TLCD3B: variants seen among roughly 807,000 people sequenced by gnomAD.
TLCD3B encodes TLC domain containing 3B, also known as ceramide synthase.
A neutral mutation model predicts 23.0 loss-of-function variants in TLCD3B; 9 were observed. The ratio of observed to expected loss-of-function variants is 0.39; its 90% CI spans 0.24 to 0.68. The LOEUF is 0.68. Among genes scored for constraint, TLCD3B ranks in the 30% least tolerant of loss-of-function variants. The pLI, the probability that TLCD3B is intolerant of heterozygous loss-of-function variation, is 0.44. For synonymous variants in TLCD3B, 161 were observed against 161.0 expected, an observed-to-expected ratio of 1.00 and a Z score of 0.00; for missense variants, 307 against 371.8, an observed-to-expected ratio of 0.83 and a Z score of 1.43.
At chr16:30,027,559 C>T (rs1463733037) in intron 2 of TLCD3B, 1 of 456,050 alleles carries the variant, frequency 2.2e-6, no homozygotes, top group Non-Finnish European at 4.4e-6. Flanking sequence ...TTCGCCCTGC[C>T]CCAAAGTCAC....
intron 3 of TLCD3B, among the ~76,000 whole-genome samples, chr16:30,026,383 G>A (rs2071134679): frequency 1.3e-5 from 2 of 152,170 alleles, no homozygotes; most frequent in African/African-American, 4.8e-5. Flanking sequence ...CAAATCCAAA[G>A]AGCCACAGCC....
intron 2 of TLCD3B, among the ~76,000 whole-genome samples, chr16:30,027,994 G>C (rs1375719007): frequency 6.6e-6 from 1 of 152,226 alleles, no homozygotes; most frequent in Non-Finnish European, 1.5e-5. Flanking sequence ...GACGGTACCA[G>C]GGAAAAGGGA....
upstream of TLCD3B, among the ~76,000 whole-genome samples, chr16:30,035,666 A>C (rs1169395002): frequency 1.3e-5 from 2 of 152,082 alleles, no homozygotes; most frequent in Non-Finnish European, 2.9e-5. Flanking sequence ...CTCTTTTAAT[A>C]TTCCTCATCC....
upstream of TLCD3B, chr16:30,035,143 C>T: frequency 2.5e-6 from 1 of 396,044 alleles, no homozygotes; most frequent in South Asian, 2.2e-5. Context: ...AACTACTGAC[C>T]TCAGGTGATC....
At chr16:30,028,088 A>G (rs1186283789) in intron 2 of TLCD3B, among the ~76,000 whole-genome samples, 1 of 152,190 alleles carries the variant, frequency 6.6e-6, no homozygotes, top group Non-Finnish European at 1.5e-5. Flanking sequence ...GAGAACGCGA[A>G]GCGGGAACAC....
At chr16:30,034,496 G>A (rs2071428042), upstream of TLCD3B, among the ~76,000 whole-genome samples, 1 of 151,966 alleles carries the variant, frequency 6.6e-6, no homozygotes, top group Non-Finnish European at 1.5e-5. Context: ...TTGAGCCCAG[G>A]AGTTCAAGGC....
chr16:30,027,112 C>T (rs1340835071), intron 2 of TLCD3B: 1 of 572,596 alleles, frequency 1.7e-6, no homozygotes. Context: ...AAGAAAAGAC[C>T]AGAAGATGCC....
upstream of TLCD3B, among the ~76,000 whole-genome samples, chr16:30,034,915 CTTT>C (rs397855495): frequency 4.3e-5 from 6 of 138,794 alleles, no homozygotes; most frequent in Admixed American, 7.2e-5. Context: ...TTTTCTTTTT[CTTT>C]TTTTTTTTTT....
At chr16:30,048,834 G>C (rs150282766) in intron 1 of TLCD3B, among the ~76,000 whole-genome samples, 2 of 151,860 alleles carry the variant, frequency 1.3e-5, no homozygotes, top group African/African-American at 4.8e-5. Flanking sequence ...GCAGTGGTGC[G>C]ATCTTGGCTC....
At chr16:30,049,920 T>A (rs1362568924) in intron 1 of TLCD3B, among the ~76,000 whole-genome samples, 1 of 112,198 alleles carries the variant, frequency 8.9e-6, no homozygotes, top group East Asian at 2.4e-4. Flanking sequence ...CAAGACTCCA[T>A]CTCAAAAAAA....
chr16:30,036,520 G>A (rs2071477563), intron 3 of TLCD3B: 2 of 882,424 alleles, frequency 2.3e-6, no homozygotes, highest in African/African-American at 1.8e-5. Flanking sequence ...ATAAAAGGAA[G>A]GTGTCAAACT....
In TLCD3B at chr16:30,025,538, C is replaced by A. The variant is rs554393954; in HGVS notation, c.541-71G>T. On this transcript the variant is annotated intron_variant, in intron 4 of 4. Coordinates refer to ENST00000380495, the MANE Select transcript of TLCD3B (RefSeq NM_031478.6). The surrounding 1 kb of genome is among the most constrained non-coding windows in gnomAD (Gnocchi z 4.1). Reference sequence around the variant, plus strand: ...CCCCCCTTGGCCCTCTCCCTGCCTCCCTGCGACCCTAGCAGGCAGCTCCTC... The same window carrying A: ...CCCCCCTTGGCCCTCTCCCTGCCTCACTGCGACCCTAGCAGGCAGCTCCTC... 6.3e-7 allele frequency: 1 copy of A among 1,587,346 alleles called. No individual in the cohort carries two copies. The highest frequency in any genetic ancestry group is 1.1e-5 in the South Asian group (1 of 89,972).
Position 30,030,529 on chromosome 16 carries a change from G to A in TLCD3B, c.-2C>T, listed in dbSNP as rs1229986757. On this transcript the variant is annotated 5_prime_UTR_variant, in exon 1 of 5. Coordinates refer to ENST00000380495, the MANE Select transcript of TLCD3B (RefSeq NM_031478.6). ...CCCGGCCACCATCGGGGTCAGCATG[G>A]TGGCTCAGGACTTGGGCAGGGAGGC... 1.9e-6 allele frequency: 3 copies of A among 1,579,710 alleles called. No individual in the cohort carries two copies. Among genetic ancestry groups the A allele is most frequent in the African/African-American group, 1.4e-5 (1 of 73,390 alleles).
chr16:30,036,188 G>A (rs1173787341), upstream of TLCD3B: 2 of 1,288,938 alleles, frequency 1.6e-6, no homozygotes, highest in Non-Finnish European at 1.0e-6. Context: ...AGAAAGGGAG[G>A]TTGATGTTTC....
upstream of TLCD3B, among the ~76,000 whole-genome samples, chr16:30,034,444 G>C (rs574407862): frequency 4.6e-5 from 7 of 151,528 alleles, no homozygotes; most frequent in Admixed American, 4.6e-4. Context: ...GCCAGGCTTG[G>C]TGGTGCATTG....
Position 30,050,969 on chromosome 16 carries a change from T to C in TLCD3B, c.-294+1805A>G, listed in dbSNP as rs1416068470. ...GCATGTGTGGGTGTGTGCAAGTGTCTGTGTGTGTGTGATCTAAAAAGGTTA... is the reference window on the plus strand; with the variant it reads ...GCATGTGTGGGTGTGTGCAAGTGTCCGTGTGTGTGTGATCTAAAAAGGTTA... On this transcript the variant is annotated intron_variant, in intron 1 of 6. Coordinates refer to the TLCD3B transcript ENST00000561666. Among the ~76,000 whole-genome samples, 3 of 152,114 alleles carry C rather than the reference T, an allele frequency of 2.0e-5. No individual in the cohort carries two copies. The East Asian group carries it at 5.8e-4, about 29-fold the overall frequency.
At chr16:30,050,806 T>C (rs990307955) in intron 1 of TLCD3B, among the ~76,000 whole-genome samples, 2 of 152,108 alleles carry the variant, frequency 1.3e-5, no homozygotes, top group Admixed American at 6.6e-5. Flanking sequence ...GAGCAGCAGC[T>C]GTGGTGAGGT....
At position 30,029,651 on chromosome 16, in the gene TLCD3B, A is replaced by G. The variant is rs1266638653; in HGVS notation, c.126-136T>C. The G allele has an allele frequency of 1.3e-6, 1 of 759,878 alleles. No homozygotes were observed. 47.1% of individuals were successfully genotyped at this position (759,878 alleles called of 1,614,324 possible). A position where few individuals can be genotyped will look rare whatever the true frequency, so the allele number is the denominator to read the frequency against. On this transcript the variant is annotated intron_variant, in intron 1 of 4. Coordinates refer to ENST00000380495, the MANE Select transcript of TLCD3B (RefSeq NM_031478.6). The surrounding 1 kb of genome is among the most constrained non-coding windows in gnomAD (Gnocchi z 4.6). ...GCCAGTCCTTGCCTGCCTTCGCCCA[A>G]GGCTGGGCTGCCTGAGGTGTGCCCC...
In TLCD3B at chr16:30,029,824, G is replaced by A. The variant is rs1056870694; in HGVS notation, c.126-309C>T. Reference sequence around the variant, plus strand: ...GGTGTCTGTCCTGAGGTGAGACTGAGAGTGAACTGCTGGCCTGGACCTCTC... The same window carrying A: ...GGTGTCTGTCCTGAGGTGAGACTGAAAGTGAACTGCTGGCCTGGACCTCTC... On this transcript the variant is annotated intron_variant, in intron 1 of 4. Transcript: ENST00000380495. The surrounding 1 kb of genome is among the most constrained non-coding windows in gnomAD (Gnocchi z 4.6). Among the ~76,000 whole-genome samples the A allele has an allele frequency of 6.6e-6, 1 of 152,204 alleles. No individual in the cohort carries two copies. Among genetic ancestry groups the A allele is most frequent in the African/African-American group, 2.4e-5 (1 of 41,440 alleles).
Sources: allele counts gnomAD v4.1 joint callset (sites outside exome capture counted in the v4.1 genomes callset), GRCh38; gene constraint gnomAD v4.1.1; non-coding constraint Gnocchi (gnomAD v3.1); transcripts MANE v1.5; gene names NCBI Gene and HGNC (gene_info 2026-07-23, HGNC 2026-07-21).